SPECC1: variants seen among roughly 807,000 people sequenced by gnomAD.
The protein encoded by SPECC1 is cytospin-B.
A neutral mutation model predicts 104.1 loss-of-function variants in SPECC1; 62 were observed. That is an observed-to-expected ratio of 0.60 (90% CI 0.49 to 0.74). SPECC1 has a LOEUF of 0.74. SPECC1 is among the 30% of genes least tolerant of loss of function. SPECC1 has a pLI of 0.00. For missense variants in SPECC1, 1,306 were observed against 1,310.5 expected (o/e 1.00, Z 0.05); for synonymous variants, 513 against 501.6 (o/e 1.02, Z -0.30).
intron 12 of SPECC1, among the ~76,000 whole-genome samples, chr17:20,278,059 AGCAGAGTT>A (rs1440704026): frequency 5.3e-5 from 8 of 152,170 alleles, no homozygotes; most frequent in Non-Finnish European, 1.2e-4. Context: ...CTCTGCAGCC[AGCAGAGTT>A]GGACCCATAT....
intron 12 of SPECC1, among the ~76,000 whole-genome samples, chr17:20,294,557 T>C (rs1209894904): frequency 6.6e-6 from 1 of 152,070 alleles, no homozygotes; most frequent in Admixed American, 6.5e-5. Flanking sequence ...ATTGGGGTTA[T>C]ACAGAGATGG....
chr17:20,150,041 C>T (rs1439877020), intron 3 of SPECC1, among the ~76,000 whole-genome samples: 11 of 151,946 alleles, frequency 7.2e-5, no homozygotes, highest in African/African-American at 9.6e-5. Flanking sequence ...GGTGCGATCT[C>T]GGCTCACTGC....
At chr17:20,291,672 G>A (rs557937382) in intron 12 of SPECC1, among the ~76,000 whole-genome samples, 6 of 152,124 alleles carry the variant, frequency 3.9e-5, no homozygotes, top group African/African-American at 9.6e-5. Flanking sequence ...AGCCTCCCAA[G>A]TAGCTGGAAC....
At chr17:20,268,478 A>G (rs1479407150) in intron 12 of SPECC1, among the ~76,000 whole-genome samples, 1 of 152,170 alleles carries the variant, frequency 6.6e-6, no homozygotes, top group African/African-American at 2.4e-5. Context: ...TCTGTTTCTT[A>G]TATTCTTTTT....
At chr17:20,313,567 C>T (rs758682742) in intron 14 of SPECC1, among the ~76,000 whole-genome samples, 4 of 152,118 alleles carry the variant, frequency 2.6e-5, no homozygotes, top group Non-Finnish European at 5.9e-5. Flanking sequence ...AATGCTCAGC[C>T]CACGTAATGG....
At chr17:20,218,932 C>T (rs866468450) in intron 4 of SPECC1, among the ~76,000 whole-genome samples, 1 of 152,134 alleles carries the variant, frequency 6.6e-6, no homozygotes, top group African/African-American at 2.4e-5. Context: ...GCTTATTTCA[C>T]TTAACATAAT....
chr17:20,198,601 T>C (rs1464749824), intron 3 of SPECC1, among the ~76,000 whole-genome samples: 1 of 152,198 alleles, frequency 6.6e-6, no homozygotes, highest in Non-Finnish European at 1.5e-5. Flanking sequence ...CATCCCATAG[T>C]GCCAAACCTG....
chr17:20,194,487 TAGAAA>T (rs2035872802), intron 3 of SPECC1, among the ~76,000 whole-genome samples: 1 of 149,186 alleles, frequency 6.7e-6, no homozygotes, highest in Non-Finnish European at 1.5e-5. Flanking sequence ...TGTGTTCTGT[TAGAAA>T]AGAGAACGAA....
chr17:20,253,403 T>G (rs2039703457), intron 9 of SPECC1, 102 bp from the exon 10 acceptor site: 3 of 1,129,896 alleles, frequency 2.7e-6, no homozygotes, highest in Non-Finnish European at 3.9e-6. Context: ...CCACTGTGTT[T>G]AAGAACTGTT....
chr17:20,160,573 A>C (rs1159517423), intron 3 of SPECC1, among the ~76,000 whole-genome samples: 1 of 152,182 alleles, frequency 6.6e-6, no homozygotes, highest in African/African-American at 2.4e-5. Context: ...AAAAATTTTA[A>C]TCAGAAAAAT....
chr17:20,170,600 C>T lies in SPECC1; in HGVS notation c.284-33733C>T, dbSNP rs184429672. Among the ~76,000 whole-genome samples, 9 of 152,292 alleles carry T rather than the reference C, an allele frequency of 5.9e-5. No homozygotes were observed. The East Asian group carries it at 1.7e-3, about 29-fold the overall frequency. On this transcript the variant is annotated intron_variant, in intron 3 of 14. Coordinates refer to ENST00000395527, the MANE Select transcript of SPECC1 (RefSeq NM_001243439.2). ...CATCCCTGTCCCAGAGACCTAACAT[C>T]ACCATGGTCTCCTTTCCCTCAGTCT... is the stretch of plus-strand genomic sequence containing the variant.
At chr17:20,298,944 A>AGTGTGTGT (rs1422097054) in intron 13 of SPECC1, among the ~76,000 whole-genome samples, 6 of 41,476 alleles carry the variant, frequency 1.4e-4, no homozygotes, top group Middle Eastern at 0.01. Flanking sequence ...AGAGAGAGAG[A>AGTGTGTGT]GAGAGTGTGT....
chr17:20,303,178 T>G (rs2041649836), intron 13 of SPECC1, among the ~76,000 whole-genome samples: 1 of 152,120 alleles, frequency 6.6e-6, no homozygotes, highest in Admixed American at 6.6e-5. Context: ...GGAATAATGG[T>G]GGCCTAAAAA....
chr17:20,104,093 T>C (rs1225170224), intron 2 of SPECC1, among the ~76,000 whole-genome samples: 2 of 152,216 alleles, frequency 1.3e-5, no homozygotes, highest in Non-Finnish European at 2.9e-5. Context: ...AAAATCAGCA[T>C]GTTTGAAGTG....
intron 7 of SPECC1, chr17:20,238,905 A>G: frequency 9.6e-7 from 1 of 1,042,498 alleles, no homozygotes; most frequent in African/African-American, 1.7e-5. Flanking sequence ...TCTGCTGCTT[A>G]GTTTTAATCA....
chr17:20,096,629 A>G lies in SPECC1; in HGVS notation c.-21-2A>G, dbSNP rs1271369094. 9 of 1,595,058 alleles carry G rather than the reference A, an allele frequency of 5.6e-6. No individual in the cohort carries two copies. Among genetic ancestry groups the G allele is most frequent in the East Asian group, 2.2e-5 (1 of 44,504 alleles). On this transcript the variant is annotated splice_acceptor_variant, in intron 1 of 14. Coordinates refer to ENST00000395527, the MANE Select transcript of SPECC1 (RefSeq NM_001243439.2). LOFTEE classifies it low-confidence loss of function (5UTR_SPLICE). ...ATGTTTTTCTTTTCTGCTCTTTTGC[A>G]GGACAGACCCACGAAGTCAAGCATG...
chr17:20,081,946 C>T (rs956333874), intron 1 of SPECC1, among the ~76,000 whole-genome samples: 4 of 152,200 alleles, frequency 2.6e-5, no homozygotes, highest in Non-Finnish European at 5.9e-5. Flanking sequence ...CGTTCAGACT[C>T]CTGCTGCTGC....
Position 20,257,474 on chromosome 17 carries a change from A to G in SPECC1, c.2704A>G (p.Thr902Ala), listed in dbSNP as rs1295421985. Reference sequence around the variant, plus strand: ...AGATATTCTAAAGGGAAGGACTGAGACCCTGAAGCCAGACCCCCACCTCCG... The same window carrying G: ...AGATATTCTAAAGGGAAGGACTGAGGCCCTGAAGCCAGACCCCCACCTCCG... ...LSDILKGRTE[T>A]LKPDPHLRKS... The change falls in exon 11 of 15, where the codon ACC becomes GCC. Residue 902 changes from threonine (T) to alanine (A), a missense_variant. Physicochemically the swap from Thr to Ala is moderately conservative, Grantham distance 58. Coordinates refer to ENST00000395527, the MANE Select transcript of SPECC1 (RefSeq NM_001243439.2). The G allele has an allele frequency of 1.3e-6, 2 of 1,595,028 alleles. No individual in the cohort carries two copies. The highest frequency in any genetic ancestry group is 2.2e-5 in the East Asian group (1 of 44,670).
intron 14 of SPECC1, among the ~76,000 whole-genome samples, chr17:20,307,542 A>G (rs2041804645): frequency 1.3e-5 from 2 of 152,234 alleles, no homozygotes; most frequent in South Asian, 2.1e-4. Context: ...ACTCTGTTAC[A>G]TGGTCCCCAG....
Sources: gnomAD v4.1 joint callset for allele counts (sites outside exome capture counted in the v4.1 genomes callset) on GRCh38, gnomAD v4.1.1 for gene constraint, MANE v1.5 for transcripts, NCBI Gene and HGNC (gene_info 2026-07-23, HGNC 2026-07-21) for gene names.